The following TTC39B variants were observed in gnomAD, a reference collection of about 807,000 sequenced individuals.
TTC39B encodes tetratricopeptide repeat protein 39B.
Under a neutral mutation model 96.6 loss-of-function variants are expected in TTC39B, and 92 were observed. The observed-to-expected ratio is 0.95, with a 90% CI of 0.80 to 1.13. The LOEUF (loss-of-function observed/expected upper bound fraction) is 1.13. Ranked by LOEUF, TTC39B falls within the 50% of genes most tolerant of loss-of-function variation. TTC39B has a pLI of 0.00. For missense variants in TTC39B, 955 were observed against 809.3 expected (o/e 1.18, Z -2.18); for synonymous variants, 367 against 299.4 (o/e 1.23, Z -2.33).
At chr9:15,223,168 T>C (rs934892954) in intron 3 of TTC39B, among the ~76,000 whole-genome samples, 1 of 152,222 alleles carries the variant, frequency 6.6e-6, no homozygotes, top group Non-Finnish European at 1.5e-5. Context: ...TAGCTGATCA[T>C]GTACTTCTCT....
At chr9:15,271,032 A>G (rs1823331371) in intron 1 of TTC39B, among the ~76,000 whole-genome samples, 3 of 150,344 alleles carry the variant, frequency 2.0e-5, no homozygotes, top group South Asian at 4.1e-4. Flanking sequence ...CTTGCCCAAC[A>G]TTACACAGTG....
At chr9:15,287,321 T>C (rs953014672) in intron 1 of TTC39B, among the ~76,000 whole-genome samples, 8 of 152,160 alleles carry the variant, frequency 5.3e-5, no homozygotes, top group African/African-American at 1.9e-4. Context: ...AGCTGAATGG[T>C]CAATCTGAAA....
chr9:15,196,633 G>A (rs779004643), intron 8 of TTC39B, among the ~76,000 whole-genome samples: 1 of 152,216 alleles, frequency 6.6e-6, no homozygotes, highest in Non-Finnish European at 1.5e-5. Flanking sequence ...TCTTATGGAT[G>A]AGCAAGAAAG....
At position 15,273,294 on chromosome 9, in the gene TTC39B, A is replaced by G. The variant is rs149071768; in HGVS notation, c.241-5346T>C. On this transcript the variant is annotated intron_variant, in intron 1 of 19. Transcript: ENST00000512701. Reference sequence around the variant, plus strand: ...GACCAAATAGATTTACAAATTTTTCAGGCCTCCCTATCTGATTTTTAATTC... The same window carrying G: ...GACCAAATAGATTTACAAATTTTTCGGGCCTCCCTATCTGATTTTTAATTC... Among the ~76,000 whole-genome samples the G allele has an allele frequency of 8.9e-3, 1,358 of 152,326 alleles. 22 individuals are homozygous for G. Among genetic ancestry groups the G allele is most frequent in the African/African-American group, 0.032 (1,310 of 41,572 alleles).
chr9:15,218,635 A>AAAATATATATATATATATATATATAT (rs374054306), intron 3 of TTC39B, among the ~76,000 whole-genome samples: 28 of 149,526 alleles, frequency 1.9e-4, no homozygotes, highest in African/African-American at 5.2e-4. Context: ...GTCTATTTTA[A>AAAATATATATATATATATATATATAT]ATATATATAT....
chr9:15,201,468 C>A (rs1409229712), intron 7 of TTC39B, among the ~76,000 whole-genome samples: 1 of 152,164 alleles, frequency 6.6e-6, no homozygotes. Flanking sequence ...TGGAAAGGGC[C>A]AGACATGCCT....
intron 2 of TTC39B, among the ~76,000 whole-genome samples, chr9:15,236,785 GAC>G (rs1821800904): frequency 6.6e-6 from 1 of 152,112 alleles, no homozygotes; most frequent in African/African-American, 2.4e-5. Flanking sequence ...TGAAAACAAA[GAC>G]ACAACATACT....
chr9:15,306,939 C>T lies in TTC39B; in HGVS notation c.240+145G>A. On this transcript the variant is annotated intron_variant, in intron 1 of 19. Coordinates refer to ENST00000512701, the Ensembl canonical transcript of TTC39B. The surrounding 1 kb of genome is among the most constrained non-coding windows in gnomAD (Gnocchi z 5.1). ...CGGGGACAGACCTACCAAGGCCGGGCGCCCCCACCCGGCGCCCGCCAGCCC... is the reference window on the plus strand; with the variant it reads ...CGGGGACAGACCTACCAAGGCCGGGTGCCCCCACCCGGCGCCCGCCAGCCC... 2.6e-6 allele frequency: 3 copies of T among 1,156,436 alleles called. No homozygotes were observed. Among genetic ancestry groups the T allele is most frequent in the East Asian group, 2.6e-5 (1 of 37,958 alleles). 71.6% of individuals were successfully genotyped at this position (1,156,436 alleles called of 1,614,324 possible).
chr9:15,233,586 A>G (rs995936880), intron 2 of TTC39B, among the ~76,000 whole-genome samples: 82 of 151,596 alleles, frequency 5.4e-4, no homozygotes, highest in African/African-American at 2.0e-3. Flanking sequence ...TCCAGCTCCT[A>G]ACCGCCAGTG....
Position 15,240,123 on chromosome 9 carries a change from G to A in TTC39B, c.276-14111C>T, listed in dbSNP as rs181925157. Among the ~76,000 whole-genome samples the A allele has an allele frequency of 2.0e-5, 3 of 152,286 alleles. No individual in the cohort carries two copies. The East Asian group carries it at 5.8e-4, about 29-fold the overall frequency. Reference sequence around the variant, plus strand: ...AGAGGAAGGAGGAGGTGCTGCTGCTGACAATGAGAAAGCAAGAAGAGCCCA... The same window carrying A: ...AGAGGAAGGAGGAGGTGCTGCTGCTAACAATGAGAAAGCAAGAAGAGCCCA... On this transcript the variant is annotated intron_variant, in intron 2 of 19. Transcript: ENST00000512701.
rs138070027 is a variant in TTC39B, at chr9:15,202,729, C to G, written c.759+1094G>C. ...TCCAACCACCCTGCCACCCCTCCCC[C>G]ACCAAAAAAAAAAAAAAAGATTGTG... On this transcript the variant is annotated intron_variant, in intron 7 of 19. Transcript: ENST00000512701. 2.4e-3 allele frequency among the ~76,000 whole-genome samples: 354 copies of G among 148,410 alleles called. 1 individual carries two copies. Among genetic ancestry groups the G allele is most frequent in the African/African-American group, 8.2e-3 (328 of 39,860 alleles).
chr9:15,248,881 C>T (rs950317079), intron 2 of TTC39B, among the ~76,000 whole-genome samples: 1 of 152,106 alleles, frequency 6.6e-6, no homozygotes, highest in Non-Finnish European at 1.5e-5. Context: ...ATATGTCAGC[C>T]TAAGTCAAAC....
chr9:15,171,712 A>G (rs1817669052), exon 20 of TTC39B: 1 of 167,272 alleles, frequency 6.0e-6, no homozygotes, highest in African/African-American at 2.4e-5. Context: ...AAAAAAATAA[A>G]TAATCTAATT....
At chr9:15,236,683 A>G (rs573750485) in intron 2 of TTC39B, among the ~76,000 whole-genome samples, 2 of 152,210 alleles carry the variant, frequency 1.3e-5, no homozygotes, top group African/African-American at 2.4e-5. Flanking sequence ...TCAAAACTAT[A>G]CAAGTACATG....
At chr9:15,263,353 G>C (rs13440415) in intron 2 of TTC39B, among the ~76,000 whole-genome samples, 14,762 of 152,170 alleles carry the variant, frequency 0.097, 1,057 homozygotes, top group African/African-American at 0.2. Flanking sequence ...ATCTATGAGA[G>C]GAGAAAACAA....
intron 3 of TTC39B, among the ~76,000 whole-genome samples, chr9:15,222,087 C>T (rs1352773943): frequency 6.6e-6 from 1 of 152,194 alleles, no homozygotes; most frequent in East Asian, 1.9e-4. Context: ...AAACCTGCCT[C>T]AGCTTTCCCG....
intron 2 of TTC39B, among the ~76,000 whole-genome samples, chr9:15,262,329 C>A (rs1822975534): frequency 6.6e-6 from 1 of 152,140 alleles, no homozygotes; most frequent in Admixed American, 6.5e-5. Context: ...AAACTCCTGA[C>A]CTCAGGTGAT....
intron 3 of TTC39B, among the ~76,000 whole-genome samples, chr9:15,218,926 G>C (rs748082120): frequency 6.6e-6 from 1 of 152,072 alleles, no homozygotes; most frequent in Non-Finnish European, 1.5e-5. Context: ...TACTTTTCTG[G>C]AGGTTTTGTC....
At position 15,188,266 on chromosome 9, in the gene TTC39B, T is replaced by C. The variant is rs2296103; in HGVS notation, c.1234-134A>G. 255 of 836,790 alleles carry C rather than the reference T, an allele frequency of 3.0e-4. 1 individual carries two copies. In the East Asian group the frequency reaches 6.9e-3, roughly 23 times the overall value. 51.8% of individuals were successfully genotyped at this position (836,790 alleles called of 1,614,324 possible). A position where few individuals can be genotyped will look rare whatever the true frequency, so the allele number is the denominator to read the frequency against. Reference sequence around the variant, plus strand: ...CATTAAACCTCTCAATATGATGATATGTTCTTTTCCTTACAGGCAATGATA... The same window carrying C: ...CATTAAACCTCTCAATATGATGATACGTTCTTTTCCTTACAGGCAATGATA... On this transcript the variant is annotated intron_variant, in intron 13 of 19. Coordinates refer to ENST00000512701, the Ensembl canonical transcript of TTC39B.
Sources: allele counts gnomAD v4.1 joint callset (sites outside exome capture counted in the v4.1 genomes callset), GRCh38; gene constraint gnomAD v4.1.1; non-coding constraint Gnocchi (gnomAD v3.1); transcripts MANE v1.5; gene names NCBI Gene and HGNC (gene_info 2026-07-23, HGNC 2026-07-21).